KHDRBS3: variants seen among roughly 807,000 people sequenced by gnomAD.
KHDRBS3 encodes the protein KH domain-containing, RNA-binding, signal transduction-associated protein 3.
In KHDRBS3, 23 loss-of-function variants were observed where a neutral mutation model predicts 45.6. The ratio of observed to expected loss-of-function variants is 0.50; its 90% confidence interval spans 0.36 to 0.72. The LOEUF is 0.72. Among genes scored for constraint, KHDRBS3 ranks in the 30% least tolerant of loss-of-function variants. KHDRBS3 has a pLI of 0.00. For missense variants in KHDRBS3, 352 were observed against 424.8 expected, an observed-to-expected ratio of 0.83 and a Z score of 1.51; for synonymous variants, 162 against 156.5, an observed-to-expected ratio of 1.04 and a Z score of -0.26.
At chr8:135,585,243 A>AG (rs1367132655) in intron 6 of KHDRBS3, among the ~76,000 whole-genome samples, 7 of 151,580 alleles carry the variant, frequency 4.6e-5, no homozygotes, top group Admixed American at 1.3e-4. Context: ...AAAAAAAAAA[A>AG]AAAAGAAAAA....
At chr8:135,582,102 G>A (rs1828245886) in intron 6 of KHDRBS3, 29 bp downstream of exon 6, 1 of 1,492,226 alleles carries the variant, frequency 6.7e-7, no homozygotes, top group African/African-American at 1.4e-5. Flanking sequence ...CAACAGCCTT[G>A]TTCATCAGAT....
intron 3 of KHDRBS3, among the ~76,000 whole-genome samples, chr8:135,546,414 T>C (rs1317752248): frequency 1.3e-5 from 2 of 152,166 alleles, no homozygotes; most frequent in Admixed American, 1.3e-4. Flanking sequence ...ATTTATGAAA[T>C]TATGGGAGTC....
At chr8:135,488,309 T>C (rs2130389176) in intron 1 of KHDRBS3, among the ~76,000 whole-genome samples, 1 of 152,332 alleles carries the variant, frequency 6.6e-6, no homozygotes, top group Non-Finnish European at 1.5e-5. Context: ...TTTGGGTTGT[T>C]ATTGCCAAAT....
intron 1 of KHDRBS3, among the ~76,000 whole-genome samples, chr8:135,465,495 G>A (rs1359057423): frequency 2.0e-5 from 3 of 152,138 alleles, no homozygotes; most frequent in Non-Finnish European, 4.4e-5. Flanking sequence ...AGGAAATATT[G>A]AAGGAGAAAT....
intron 1 of KHDRBS3, among the ~76,000 whole-genome samples, chr8:135,499,363 T>A (rs572609496): frequency 6.6e-6 from 1 of 152,326 alleles, no homozygotes; most frequent in Admixed American, 6.5e-5. Flanking sequence ...TTTGCTAAAG[T>A]TACGCGGCTG....
chr8:135,601,975 T>C (rs1359433110), intron 6 of KHDRBS3, among the ~76,000 whole-genome samples: 4 of 152,312 alleles, frequency 2.6e-5, no homozygotes, highest in African/African-American at 9.6e-5. Context: ...AAGGGAGGCC[T>C]GCTAAACGCT....
intron 5 of KHDRBS3, among the ~76,000 whole-genome samples, chr8:135,565,010 G>A (rs1473047093): frequency 6.6e-6 from 1 of 152,104 alleles, no homozygotes; most frequent in Non-Finnish European, 1.5e-5. Flanking sequence ...ACTTGGTGTG[G>A]GAGACACGTG....
intron 6 of KHDRBS3, among the ~76,000 whole-genome samples, chr8:135,592,647 A>T (rs1586771430): frequency 6.6e-6 from 1 of 152,312 alleles, no homozygotes; most frequent in East Asian, 1.9e-4. Context: ...CTACCCTCTG[A>T]GTTCTTAGCT....
intron 5 of KHDRBS3, among the ~76,000 whole-genome samples, chr8:135,564,692 C>T (rs1388925034): frequency 2.0e-5 from 3 of 152,180 alleles, no homozygotes; most frequent in Non-Finnish European, 4.4e-5. Flanking sequence ...CCTCAAAGTT[C>T]ACTGCCTCCT....
chr8:135,472,526 C>A (rs1563702223), intron 1 of KHDRBS3, among the ~76,000 whole-genome samples: 1 of 152,168 alleles, frequency 6.6e-6, no homozygotes, highest in Non-Finnish European at 1.5e-5. Context: ...GAAAGCTCTT[C>A]CTAGCAGTCT....
intron 5 of KHDRBS3, among the ~76,000 whole-genome samples, chr8:135,561,602 T>C (rs1302777887): frequency 6.6e-6 from 1 of 152,094 alleles, no homozygotes; most frequent in Non-Finnish European, 1.5e-5. Flanking sequence ...CTAGCACTTT[T>C]ATTGTGTTTT....
At chr8:135,645,750 G>A (rs552424153) in intron 8 of KHDRBS3, among the ~76,000 whole-genome samples, 1 of 152,312 alleles carries the variant, frequency 6.6e-6, no homozygotes, top group South Asian at 2.1e-4. Flanking sequence ...ATTGGCGGCA[G>A]CAACATAATG....
chr8:135,543,383 A>G (rs768228608), intron 3 of KHDRBS3, among the ~76,000 whole-genome samples: 17 of 152,176 alleles, frequency 1.1e-4, no homozygotes, highest in Non-Finnish European at 2.1e-4. Flanking sequence ...TTCTCATATC[A>G]TAATGTGTGT....
chr8:135,457,703 C>A lies in KHDRBS3; in HGVS notation c.-164C>A. 1.3e-5 allele frequency: 2 copies of A among 159,446 alleles called. No individual in the cohort carries two copies. Among genetic ancestry groups the A allele is most frequent in the South Asian group, 3.5e-4 (2 of 5,790 alleles). The allele number at this position is 159,446 out of a possible 1,614,324, so 9.9% of individuals were successfully genotyped here. On this transcript the variant is annotated 5_prime_UTR_variant, in exon 1 of 9. Transcript: ENST00000355849. The surrounding 1 kb of genome is among the most constrained non-coding windows in gnomAD (Gnocchi z 4.4). Reference sequence around the variant, plus strand: ...GGGGCTGAGCGGTCGGTTCCCGCCCCCGTGCCGCCGCCGCCGCCTTCCGGC... The same window carrying A: ...GGGGCTGAGCGGTCGGTTCCCGCCCACGTGCCGCCGCCGCCGCCTTCCGGC...
intron 5 of KHDRBS3, among the ~76,000 whole-genome samples, chr8:135,579,959 A>G (rs1170201684): frequency 6.6e-6 from 1 of 152,166 alleles, no homozygotes; most frequent in Non-Finnish European, 1.5e-5. Flanking sequence ...CACATTGGTT[A>G]TGAGGAGGCC....
intron 1 of KHDRBS3, among the ~76,000 whole-genome samples, chr8:135,512,439 G>GGGGGAGGT (rs1824346878): frequency 8.9e-6 from 1 of 111,960 alleles, no homozygotes; most frequent in African/African-American, 3.7e-5. Flanking sequence ...CGGGGGGGGG[G>GGGGGAGGT]TAATAACTCT....
At chr8:135,604,823 G>A (rs1425599821) in intron 6 of KHDRBS3, among the ~76,000 whole-genome samples, 1 of 150,842 alleles carries the variant, frequency 6.6e-6, no homozygotes, top group East Asian at 1.9e-4. Context: ...ATTTACCAGT[G>A]TTCTTTGTTT....
rs147579634 is a variant in KHDRBS3, at chr8:135,533,838, T to A, written c.208-8816T>A. Among the ~76,000 whole-genome samples, 403 of 152,328 alleles carry A rather than the reference T, an allele frequency of 2.6e-3. 3 individuals are homozygous for A. Among genetic ancestry groups the A allele is most frequent in the Admixed American group, 8.2e-3 (126 of 15,302 alleles). On this transcript the variant is annotated intron_variant, in intron 2 of 8. Transcript: ENST00000355849. The stretch of plus-strand genomic sequence containing the variant: ...AGCTTAGCCTAGCCTACCTTAAATA[T>A]GTTCGGAACACTCAACATTAGCCTA...
intron 1 of KHDRBS3, among the ~76,000 whole-genome samples, chr8:135,460,198 C>G (rs775968137): frequency 6.6e-6 from 1 of 152,186 alleles, no homozygotes; most frequent in Admixed American, 6.5e-5. Context: ...TTGTGTTTGC[C>G]TCTAATGCAA....
Sources: allele counts gnomAD v4.1 joint callset (sites outside exome capture counted in the v4.1 genomes callset), GRCh38; gene constraint gnomAD v4.1.1; non-coding constraint Gnocchi (gnomAD v3.1); transcripts MANE v1.5; gene names NCBI Gene and HGNC (gene_info 2026-07-23, HGNC 2026-07-21).